RFX3: variants seen among roughly 807,000 people sequenced by gnomAD.
RFX3 encodes the protein transcription factor RFX3.
A neutral mutation model predicts 98.6 loss-of-function variants in RFX3; 14 were observed. That is an observed-to-expected ratio of 0.14 (90% CI 0.09 to 0.22). The LOEUF is 0.22. Among genes scored for constraint, RFX3 ranks in the 10% least tolerant of loss-of-function variants. RFX3 has a pLI of 1.00. For missense variants in RFX3, 639 were observed against 926.9 expected (o/e 0.69, Z 4.03); for synonymous variants, 383 against 328.4 (o/e 1.17, Z -1.80).
At chr9:3,426,984 A>C (rs373842705) in intron 1 of RFX3, among the ~76,000 whole-genome samples, 1 of 151,992 alleles carries the variant, frequency 6.6e-6, no homozygotes, top group African/African-American at 2.4e-5. Context: ...GGTATAGAAC[A>C]CTAGTAGTTT....
intron 4 of RFX3, among the ~76,000 whole-genome samples, chr9:3,315,426 G>C (rs1462279718): frequency 6.6e-6 from 1 of 152,152 alleles, no homozygotes; most frequent in Non-Finnish European, 1.5e-5. Flanking sequence ...AAGCAGGAAA[G>C]ATCTAAAATT....
chr9:3,408,858 G>C (rs12341737), intron 1 of RFX3, among the ~76,000 whole-genome samples: 42 of 152,172 alleles, frequency 2.8e-4, no homozygotes, highest in Admixed American at 1.2e-3. Context: ...CCCTGGCAGA[G>C]ATGGTGATCG....
intron 2 of RFX3, among the ~76,000 whole-genome samples, chr9:3,381,437 C>T (rs1839184436): frequency 6.6e-6 from 1 of 152,030 alleles, no homozygotes; most frequent in Non-Finnish European, 1.5e-5. Context: ...AATAATTTTG[C>T]TCTATCATTT....
At chr9:3,511,132 T>C (rs1817626533) in intron 1 of RFX3, among the ~76,000 whole-genome samples, 1 of 151,998 alleles carries the variant, frequency 6.6e-6, no homozygotes, top group Admixed American at 6.6e-5. Context: ...TTAAAGTTAT[T>C]ATACAAACAA....
intron 15 of RFX3, among the ~76,000 whole-genome samples, chr9:3,237,727 A>G (rs949404440): frequency 2.0e-5 from 3 of 152,184 alleles, no homozygotes; most frequent in Non-Finnish European, 4.4e-5. Context: ...GAAAACTAAG[A>G]CTCAAGCAAG....
intron 1 of RFX3, among the ~76,000 whole-genome samples, chr9:3,437,858 T>C (rs1845286677): frequency 6.6e-6 from 1 of 152,012 alleles, no homozygotes; most frequent in Non-Finnish European, 1.5e-5. Flanking sequence ...TTCCTTAAAA[T>C]TGGATAGGGA....
Position 3,277,365 on chromosome 9 carries a change from T to C in RFX3, c.948A>G (p.Gln316=). The change falls in exon 8 of 17, where the codon CAA becomes CAG. Residue 316 remains glutamine (Q), a synonymous_variant. Transcript: ENST00000617270. ...CTAAAAACTGTTGATGATGTTGGCT[T>C]TGGGCAATTACAGTTTGCTCAACAG... The part of the protein sequence containing the change: ...GTSVEQTVIA[Q]SQHHQQFLDA... 6.2e-7 allele frequency: 1 copy of C among 1,612,844 alleles called. No individual in the cohort carries two copies. The highest frequency in any genetic ancestry group is 8.5e-7 in the Non-Finnish European group (1 of 1,179,056).
chr9:3,262,148 T>A (rs556978572), intron 13 of RFX3, among the ~76,000 whole-genome samples: 5 of 152,330 alleles, frequency 3.3e-5, no homozygotes, highest in East Asian at 1.9e-4. Context: ...AAATTTTGAT[T>A]ACGTACAGTT....
chr9:3,494,734 G>A (rs901616074), intron 1 of RFX3, among the ~76,000 whole-genome samples: 9 of 151,978 alleles, frequency 5.9e-5, no homozygotes, highest in African/African-American at 2.2e-4. Context: ...TATGGAACTG[G>A]TGTACATTTT....
chr9:3,471,089 CAA>C (rs1848735352), intron 1 of RFX3, among the ~76,000 whole-genome samples: 1 of 152,106 alleles, frequency 6.6e-6, no homozygotes. Context: ...TACTGAAATT[CAA>C]AAAGATTGTG....
At chr9:3,427,304 T>A (rs1445857738) in intron 1 of RFX3, among the ~76,000 whole-genome samples, 2 of 143,012 alleles carry the variant, frequency 1.4e-5, no homozygotes, top group Non-Finnish European at 3.0e-5. Context: ...AAATATATAT[T>A]GTATTACATA....
At chr9:3,249,266 C>T (rs1176820566) in intron 14 of RFX3, among the ~76,000 whole-genome samples, 2 of 152,086 alleles carry the variant, frequency 1.3e-5, no homozygotes, top group Non-Finnish European at 2.9e-5. Flanking sequence ...TAAATAGAGG[C>T]TACTAATACA....
chr9:3,262,813 CTG>C (rs1386407513), intron 13 of RFX3, 120 bp downstream of exon 13: 16 of 1,022,312 alleles, frequency 1.6e-5, no homozygotes, highest in African/African-American at 4.8e-5. Flanking sequence ...TTTCAGAACA[CTG>C]TGAATATAGA....
At chr9:3,272,551 C>T (rs1824636793) in intron 9 of RFX3, among the ~76,000 whole-genome samples, 1 of 152,056 alleles carries the variant, frequency 6.6e-6, no homozygotes, top group African/African-American at 2.4e-5. Context: ...AAAATGCAAG[C>T]TCTGAAAATA....
Position 3,224,081 on chromosome 9 carries a change from T to C in RFX3, c.*961A>G, listed in dbSNP as rs1788717446. ...TTATAATAGCAGCATATTGAACTAC[T>C]ATTAGGAAAAAGACCTGGAATAAAA... is the stretch of plus-strand genomic sequence containing the variant. On this transcript the variant is annotated 3_prime_UTR_variant, in exon 17 of 17. Coordinates refer to ENST00000617270, the MANE Select transcript of RFX3 (RefSeq NM_001282116.2). 6.6e-6 allele frequency: 1 copy of C among 152,114 alleles called. No homozygotes were observed. Among genetic ancestry groups the C allele is most frequent in the South Asian group, 2.1e-4 (1 of 4,830 alleles). 9.4% of individuals were successfully genotyped at this position (152,114 alleles called of 1,614,324 possible).
At chr9:3,411,974 G>A (rs562975311) in intron 1 of RFX3, among the ~76,000 whole-genome samples, 34 of 152,136 alleles carry the variant, frequency 2.2e-4, no homozygotes, top group African/African-American at 7.0e-4. Context: ...ACAACTACTC[G>A]TAACATTATC....
At chr9:3,260,260 A>T (rs1217202005) in intron 13 of RFX3, among the ~76,000 whole-genome samples, 2 of 151,990 alleles carry the variant, frequency 1.3e-5, no homozygotes, top group East Asian at 1.9e-4. Flanking sequence ...ATCATGGTGG[A>T]CCCAGAAAAA....
intron 1 of RFX3, among the ~76,000 whole-genome samples, chr9:3,414,103 C>T (rs1274134315): frequency 6.6e-6 from 1 of 152,036 alleles, no homozygotes; most frequent in Non-Finnish European, 1.5e-5. Context: ...TGGTTGAGTA[C>T]TTTATTGAAA....
intron 1 of RFX3, among the ~76,000 whole-genome samples, chr9:3,406,458 T>C (rs543197344): frequency 1.1e-4 from 16 of 152,180 alleles, no homozygotes; most frequent in African/African-American, 3.9e-4. Context: ...TCCTATAGCA[T>C]ACTATCTTTA....
Sources: gnomAD v4.1 joint callset for allele counts (sites outside exome capture counted in the v4.1 genomes callset) on GRCh38, gnomAD v4.1.1 for gene constraint, MANE v1.5 for transcripts, NCBI Gene and HGNC (gene_info 2026-07-23, HGNC 2026-07-21) for gene names.